TMEM132D: variants seen among roughly 807,000 people sequenced by gnomAD.
The protein encoded by TMEM132D is transmembrane protein 132D, also known as mature OL transmembrane protein.
A neutral mutation model predicts 62.3 loss-of-function variants in TMEM132D; 21 were observed. The ratio of observed to expected loss-of-function variants is 0.34; its 90% CI spans 0.24 to 0.49. The LOEUF (loss-of-function observed/expected upper bound fraction) is 0.49. Ranked by LOEUF, TMEM132D falls within the 20% of genes least tolerant of loss-of-function variation. The probability of loss-of-function intolerance (pLI) is 0.99; values close to 1 mark genes in which losing one functional copy is unlikely to be tolerated. For synonymous variants in TMEM132D, 621 were observed against 575.6 expected (o/e 1.08, Z -1.13); for missense variants, 1,346 against 1,402.8 (o/e 0.96, Z 0.65).
chr12:129,556,417 C>T (rs571424954), intron 2 of TMEM132D, among the ~76,000 whole-genome samples: 14 of 152,124 alleles, frequency 9.2e-5, no homozygotes, highest in Admixed American at 7.9e-4. Flanking sequence ...GCATGTCTCT[C>T]GCCAGAACAC....
chr12:129,741,260 GA>G (rs1869595418), intron 1 of TMEM132D, among the ~76,000 whole-genome samples: 1 of 152,134 alleles, frequency 6.6e-6, no homozygotes, highest in South Asian at 2.1e-4. Flanking sequence ...TTTCCAGTGG[GA>G]AATAACTTTC....
intron 3 of TMEM132D, among the ~76,000 whole-genome samples, chr12:129,374,269 C>CAGAGAGAGAGAGAGAGAGAGAG (rs35178347): frequency 0.012 from 1,669 of 144,276 alleles, 52 homozygotes; most frequent in African/African-American, 0.034. Context: ...CCTCACACAT[C>CAGAGAGAGAGAGAGAGAGAGAG]AGAGAGAGAG....
chr12:129,818,520 T>C (rs1872444657), intron 1 of TMEM132D, among the ~76,000 whole-genome samples: 1 of 150,934 alleles, frequency 6.6e-6, no homozygotes, highest in Non-Finnish European at 1.5e-5. Context: ...TGCGCATCTG[T>C]GTGTATGTGG....
At chr12:129,262,765 A>T (rs1880584350) in intron 4 of TMEM132D, 1 of 152,162 alleles carries the variant, frequency 6.6e-6, no homozygotes, top group Non-Finnish European at 1.5e-5. Flanking sequence ...GCAGCCTGCA[A>T]TCTATAAGAA....
At chr12:129,256,618 C>T (rs746193318) in intron 4 of TMEM132D, among the ~76,000 whole-genome samples, 39 of 152,140 alleles carry the variant, frequency 2.6e-4, no homozygotes, top group East Asian at 5.8e-4. Flanking sequence ...GATGGAGTTT[C>T]GCGATGTTGG....
intron 1 of TMEM132D, among the ~76,000 whole-genome samples, chr12:129,754,016 T>G (rs1870083704): frequency 6.6e-6 from 1 of 152,182 alleles, no homozygotes; most frequent in Non-Finnish European, 1.5e-5. Flanking sequence ...CTTTTGAGTT[T>G]TAAACACCAA....
intron 5 of TMEM132D, among the ~76,000 whole-genome samples, chr12:129,133,177 T>C (rs1277630090): frequency 1.3e-5 from 2 of 152,050 alleles, no homozygotes; most frequent in Admixed American, 6.6e-5. Context: ...TTTTCTAAAA[T>C]TGTGATAAGA....
chr12:129,442,467 C>T (rs144461076), intron 3 of TMEM132D, among the ~76,000 whole-genome samples: 81 of 152,204 alleles, frequency 5.3e-4, no homozygotes, highest in African/African-American at 1.9e-3. Flanking sequence ...TCAAGAGTCC[C>T]GACCTCCTGA....
intron 1 of TMEM132D, among the ~76,000 whole-genome samples, chr12:129,816,573 C>T (rs1007764838): frequency 6.6e-6 from 1 of 152,096 alleles, no homozygotes; most frequent in Non-Finnish European, 1.5e-5. Context: ...CAAAATAAAA[C>T]AGCAGCAATT....
At chr12:129,734,583 T>A (rs1869358785) in intron 1 of TMEM132D, among the ~76,000 whole-genome samples, 1 of 152,190 alleles carries the variant, frequency 6.6e-6, no homozygotes, top group Admixed American at 6.5e-5. Flanking sequence ...AGCCCATAAA[T>A]TCAACCAAAA....
intron 4 of TMEM132D, among the ~76,000 whole-genome samples, chr12:129,312,971 A>T (rs1245362248): frequency 2.6e-5 from 4 of 152,170 alleles, no homozygotes; most frequent in Non-Finnish European, 4.4e-5. Flanking sequence ...GAGAACAAAA[A>T]ATTCCAGAGT....
chr12:129,246,465 G>A (rs1020876045), intron 4 of TMEM132D, among the ~76,000 whole-genome samples: 5 of 152,138 alleles, frequency 3.3e-5, no homozygotes, highest in Admixed American at 2.0e-4. Flanking sequence ...ATGAAAGTGT[G>A]CACCTGGGGG....
intron 5 of TMEM132D, among the ~76,000 whole-genome samples, chr12:129,178,433 G>GTAT (rs1419943354): frequency 1.4e-5 from 2 of 140,944 alleles, no homozygotes; most frequent in African/African-American, 5.3e-5. Flanking sequence ...ACCAGCATCT[G>GTAT]TTTTTTTTTT....
chr12:129,892,831 A>C (rs1217889929), intron 1 of TMEM132D, among the ~76,000 whole-genome samples: 2 of 151,992 alleles, frequency 1.3e-5, no homozygotes, highest in Admixed American at 1.3e-4. Flanking sequence ...CACACTCACG[A>C]AGTGGCCTGA....
chr12:129,807,411 C>T (rs1366187743), intron 1 of TMEM132D, among the ~76,000 whole-genome samples: 2 of 152,178 alleles, frequency 1.3e-5, no homozygotes, highest in African/African-American at 4.8e-5. Context: ...TCTTCAGTCT[C>T]CACTAAAGTT....
intron 1 of TMEM132D, chr12:129,852,199 G>A (rs1873565486): frequency 6.6e-6 from 1 of 152,152 alleles, no homozygotes; most frequent in Admixed American, 6.5e-5. Flanking sequence ...ATGCAGAAGA[G>A]TTTACAAGTT....
chr12:129,779,827 CAG>C lies in TMEM132D; in HGVS notation c.80-79131_80-79130del, dbSNP rs1211385448. Among the ~76,000 whole-genome samples the C allele has an allele frequency of 1.3e-5, 2 of 152,070 alleles. No homozygotes were observed. Among genetic ancestry groups the C allele is most frequent in the Admixed American group, 6.6e-5 (1 of 15,262 alleles). On this transcript the variant is annotated intron_variant, in intron 1 of 8. Transcript: ENST00000422113. This position sits in a 1 kb window ranked among gnomAD's most constrained non-coding sequence, Gnocchi z 4.1. ...AGGTCTCTATGCCACTTGGGGAAGA[CAG>C]AGAGAAATGAACTGAGCTGCGAGGA...
At chr12:129,767,777 G>A (rs1793729480) in intron 1 of TMEM132D, among the ~76,000 whole-genome samples, 1 of 152,188 alleles carries the variant, frequency 6.6e-6, no homozygotes, top group Non-Finnish European at 1.5e-5. Context: ...TGGCTATTGT[G>A]AGTGTAGTAG....
intron 8 of TMEM132D, among the ~76,000 whole-genome samples, chr12:129,078,111 C>T (rs146303723): frequency 2.6e-5 from 4 of 152,354 alleles, no homozygotes; most frequent in African/African-American, 9.6e-5. Flanking sequence ...CTGTCACCCT[C>T]CGCTCCAGCA....
Sources: allele counts gnomAD v4.1 joint callset (sites outside exome capture counted in the v4.1 genomes callset), GRCh38; gene constraint gnomAD v4.1.1; non-coding constraint Gnocchi (gnomAD v3.1); transcripts MANE v1.5; gene names NCBI Gene and HGNC (gene_info 2026-07-23, HGNC 2026-07-21).